COL21A1: variants seen among roughly 807,000 people sequenced by gnomAD.
The protein encoded by COL21A1 is collagen type XXI alpha 1 chain, also known as collagen alpha-1(XXI) chain.
COL21A1 carries 149 observed loss-of-function variants against 137.9 expected under a neutral mutation model. The observed-to-expected ratio is 1.08, with a 90% CI of 0.95 to 1.24. COL21A1 has a LOEUF of 1.24. Among genes scored for constraint, COL21A1 ranks in the 50% most tolerant of loss-of-function variants. COL21A1 has a pLI of 0.00. For missense variants in COL21A1, 1,167 were observed against 1,158.4 expected, an observed-to-expected ratio of 1.01 and a Z score of -0.11; for synonymous variants, 456 against 391.5, an observed-to-expected ratio of 1.16 and a Z score of -1.95.
chr6:56,326,231 TA>T (rs1226024052), intron 1 of COL21A1, among the ~76,000 whole-genome samples: 1 of 150,458 alleles, frequency 6.6e-6, no homozygotes, highest in Non-Finnish European at 1.5e-5. Context: ...ATTGAAAAGA[TA>T]ATTAAGTTTT....
intron 1 of COL21A1, among the ~76,000 whole-genome samples, chr6:56,227,966 A>C (rs1180734343): frequency 6.6e-6 from 1 of 151,986 alleles, no homozygotes; most frequent in African/African-American, 2.4e-5. Flanking sequence ...TTAAGAAGAC[A>C]GGAAGATAGT....
intron 1 of COL21A1, among the ~76,000 whole-genome samples, chr6:56,239,859 G>A (rs914019129): frequency 2.0e-5 from 3 of 152,050 alleles, no homozygotes; most frequent in African/African-American, 7.2e-5. Context: ...AATATGAATG[G>A]GATTAAAGCC....
At chr6:56,206,143 T>G (rs544741847) in intron 1 of COL21A1, among the ~76,000 whole-genome samples, 2 of 152,240 alleles carry the variant, frequency 1.3e-5, no homozygotes, top group South Asian at 4.1e-4. Context: ...GTATGAACCT[T>G]CAATGTAAAT....
intron 3 of COL21A1, among the ~76,000 whole-genome samples, chr6:56,177,104 AAGT>A (rs142719434): frequency 0.027 from 4,031 of 151,658 alleles, 175 homozygotes; most frequent in African/African-American, 0.09. Flanking sequence ...GTAGTAGTAG[AAGT>A]AGTAGTAGTA....
At chr6:56,061,170 G>A (rs1386057476) in intron 25 of COL21A1, 133 bp from the exon 26 acceptor site, 2 of 740,036 alleles carry the variant, frequency 2.7e-6, no homozygotes, top group East Asian at 3.1e-5. Flanking sequence ...GGAATAGCCG[G>A]AAATATTGTC....
At chr6:56,367,751 G>T (rs930115747) in intron 1 of COL21A1, among the ~76,000 whole-genome samples, 2 of 151,974 alleles carry the variant, frequency 1.3e-5, no homozygotes, top group Non-Finnish European at 2.9e-5. Flanking sequence ...GTATTTCTTT[G>T]TCACCCAGGC....
chr6:56,266,162 T>A (rs1333869196), intron 1 of COL21A1, among the ~76,000 whole-genome samples: 1 of 152,234 alleles, frequency 6.6e-6, no homozygotes, highest in Non-Finnish European at 1.5e-5. Flanking sequence ...AGTGTTATCT[T>A]AGGCCATGTT....
Position 56,182,528 on chromosome 6 carries a change from T to C in COL21A1, c.88+3A>G. Reference sequence around the variant, plus strand: ...AAAAAAGGACAATGCTGATAGTTCTTACTTGATCTTACTTCCCCATCTTCA... The same window carrying C: ...AAAAAAGGACAATGCTGATAGTTCTCACTTGATCTTACTTCCCCATCTTCA... On this transcript the variant is annotated splice_donor_region_variant and intron_variant, in intron 2 of 29. Coordinates refer to ENST00000244728, the MANE Select transcript of COL21A1 (RefSeq NM_030820.4). 6.3e-7 allele frequency: 1 copy of C among 1,578,594 alleles called. No homozygotes were observed. Among genetic ancestry groups the C allele is most frequent in the Non-Finnish European group, 8.7e-7 (1 of 1,154,484 alleles).
chr6:56,085,733 C>T (rs549365095), intron 17 of COL21A1, among the ~76,000 whole-genome samples: 18 of 151,822 alleles, frequency 1.2e-4, no homozygotes, highest in Non-Finnish European at 2.1e-4. Context: ...GGGCTTTGAC[C>T]CCAAATTTTG....
chr6:56,114,942 G>T (rs1276463237), intron 16 of COL21A1, among the ~76,000 whole-genome samples: 7 of 150,562 alleles, frequency 4.6e-5, no homozygotes, highest in African/African-American at 1.5e-4. Flanking sequence ...AACAATGATA[G>T]ACTGGATTAA....
intron 10 of COL21A1, among the ~76,000 whole-genome samples, chr6:56,148,801 A>G (rs1775049747): frequency 6.6e-6 from 1 of 152,186 alleles, no homozygotes. Flanking sequence ...ATTTCAAAGT[A>G]GCATCTCTTG....
intron 1 of COL21A1, among the ~76,000 whole-genome samples, chr6:56,388,627 C>T (rs113173882): frequency 1.6e-4 from 24 of 152,322 alleles, no homozygotes; most frequent in African/African-American, 5.5e-4. Context: ...GCTTAAATCA[C>T]AACACTCAAT....
At chr6:56,094,986 A>C (rs1199233106) in intron 17 of COL21A1, among the ~76,000 whole-genome samples, 1 of 152,180 alleles carries the variant, frequency 6.6e-6, no homozygotes, top group Non-Finnish European at 1.5e-5. Flanking sequence ...CCATATTTAC[A>C]GGTTTCAGAA....
intron 1 of COL21A1, among the ~76,000 whole-genome samples, chr6:56,232,390 T>C (rs1781623192): frequency 6.6e-6 from 1 of 151,942 alleles, no homozygotes; most frequent in Non-Finnish European, 1.5e-5. Context: ...CAAACATTGA[T>C]ACTGTCATTA....
At chr6:56,099,671 C>A (rs1223037034) in intron 17 of COL21A1, among the ~76,000 whole-genome samples, 1 of 151,964 alleles carries the variant, frequency 6.6e-6, no homozygotes, top group African/African-American at 2.4e-5. Flanking sequence ...TTCCCTCATA[C>A]ACGCACACCC....
rs188356574 is a variant in COL21A1 at position 56,381,282 on chromosome 6, T to C, written c.-39+12689A>G. ...TATATTTACTATATGCCTCTGGTTG[T>C]TGTGATTTAGTTAGAAAGGGGAAAA... is the stretch of plus-strand genomic sequence containing the variant. On this transcript the variant is annotated intron_variant, in intron 1 of 28. Coordinates refer to the COL21A1 transcript ENST00000370819. Among the ~76,000 whole-genome samples, 787 of 152,270 alleles carry C rather than the reference T, an allele frequency of 5.2e-3. 4 individuals are homozygous for C. Among genetic ancestry groups the C allele is most frequent in the Non-Finnish European group, 8.3e-3 (562 of 68,024 alleles).
chr6:56,334,733 A>G (rs1262732616), intron 1 of COL21A1, among the ~76,000 whole-genome samples: 1 of 152,122 alleles, frequency 6.6e-6, no homozygotes, highest in Admixed American at 6.6e-5. Flanking sequence ...ACACTATTGG[A>G]AGGTAGGGCC....
At chr6:56,318,619 C>A (rs534993167) in intron 1 of COL21A1, among the ~76,000 whole-genome samples, 23 of 152,188 alleles carry the variant, frequency 1.5e-4, no homozygotes, top group African/African-American at 5.5e-4. Flanking sequence ...TGCCTTCATT[C>A]CTGCTGCACT....
chr6:56,124,115 C>T lies in COL21A1; in HGVS notation c.1705G>A (p.Gly569Arg). 1.3e-6 allele frequency: 2 copies of T among 1,540,618 alleles called. No homozygotes were observed. The highest frequency in any genetic ancestry group is 1.8e-6 in the Non-Finnish European group (2 of 1,142,170). The change falls in exon 16 of 30, where the codon GGA becomes AGA. Residue 569 changes from glycine (G) to arginine (R), a missense_variant and splice_region_variant. Transcript: ENST00000244728. ...TCCTTTCCATGTCTTCCTGGTTCTC[C>T]CTAAAAAATAAATACATATGCTTTA... ...AGFPGLPGPA[G>R]EPGRHGKDGL...
Sources: gnomAD v4.1 joint callset for allele counts (sites outside exome capture counted in the v4.1 genomes callset) on GRCh38, gnomAD v4.1.1 for gene constraint, MANE v1.5 for transcripts, NCBI Gene and HGNC (gene_info 2026-07-23, HGNC 2026-07-21) for gene names.